Variants in SPAG16 observed in about 807,000 individuals in gnomAD.
SPAG16 encodes the protein sperm associated antigen 16, also known as sperm-associated antigen 16 protein.
SPAG16 carries 86 observed loss-of-function variants against 80.4 expected under a neutral mutation model. The observed-to-expected ratio is 1.07, with a 90% CI of 0.90 to 1.28. The LOEUF (loss-of-function observed/expected upper bound fraction) is 1.28, where lower values mean the gene tolerates loss of function less well. Ranked by LOEUF, SPAG16 falls within the 50% of genes most tolerant of loss-of-function variation. The pLI, the probability that SPAG16 is intolerant of heterozygous loss-of-function variation, is 0.00. For synonymous variants in SPAG16, 294 were observed against 265.9 expected (o/e 1.11, Z -1.03); for missense variants, 870 against 765.3 (o/e 1.14, Z -1.61).
intron 15 of SPAG16, among the ~76,000 whole-genome samples, chr2:214,174,824 T>C (rs935860753): frequency 5.3e-5 from 8 of 151,658 alleles, no homozygotes; most frequent in African/African-American, 1.9e-4. Context: ...TCATCACTTT[T>C]GCACGAATCT....
At chr2:214,152,850 A>G (rs1350245017) in intron 15 of SPAG16, among the ~76,000 whole-genome samples, 1 of 152,170 alleles carries the variant, frequency 6.6e-6, no homozygotes, top group Non-Finnish European at 1.5e-5. Context: ...ACAGAGAGAA[A>G]GACAGCTTAT....
intron 9 of SPAG16, among the ~76,000 whole-genome samples, chr2:213,406,258 G>T (rs1437209569): frequency 6.6e-6 from 1 of 152,140 alleles, no homozygotes; most frequent in African/African-American, 2.4e-5. Flanking sequence ...TTACTCATCA[G>T]AAATTTGCAT....
chr2:214,039,370 G>A (rs112933130), intron 13 of SPAG16, among the ~76,000 whole-genome samples: 14 of 152,000 alleles, frequency 9.2e-5, no homozygotes, highest in African/African-American at 2.7e-4. Context: ...CACATCCTTC[G>A]CCCACTTTTT....
rs777957667 is a variant in SPAG16 at position 214,410,297 on chromosome 2, A to T, written c.1878A>T (p.Thr626=). Residue 626 remains threonine, a synonymous_variant, in exon 16 of 16, where the codon ACA becomes ACT. Transcript: ENST00000331683. Reference sequence around the variant, plus strand: ...TCTTTTCTGGAGGCTCTGACGGCACAGTTCGAACGTGGTCTTGACCGTCAG... The same window carrying T: ...TCTTTTCTGGAGGCTCTGACGGCACTGTTCGAACGTGGTCTTGACCGTCAG... ...EILFSGGSDG[T]VRTWS 1 of 1,599,984 alleles carries T rather than the reference A, an allele frequency of 6.3e-7. No homozygotes were observed.
chr2:214,123,716 A>C (rs1183823476), intron 14 of SPAG16, among the ~76,000 whole-genome samples: 1 of 152,020 alleles, frequency 6.6e-6, no homozygotes, highest in Non-Finnish European at 1.5e-5. Context: ...CTTAAAATGC[A>C]ATGATCAGAG....
At chr2:213,749,893 T>C (rs2068005562) in intron 10 of SPAG16, among the ~76,000 whole-genome samples, 1 of 152,210 alleles carries the variant, frequency 6.6e-6, no homozygotes, top group Non-Finnish European at 1.5e-5. Context: ...AGACACTCAA[T>C]AAATGTGTTT....
intron 5 of SPAG16, among the ~76,000 whole-genome samples, chr2:213,338,420 C>T (rs1268623478): frequency 2.0e-5 from 3 of 152,164 alleles, no homozygotes; most frequent in Non-Finnish European, 2.9e-5. Context: ...TGCAGAGTGG[C>T]AAGCTGGATA....
chr2:214,038,104 C>T (rs2048807137), intron 13 of SPAG16, among the ~76,000 whole-genome samples: 1 of 151,992 alleles, frequency 6.6e-6, no homozygotes, highest in Non-Finnish European at 1.5e-5. Flanking sequence ...TAATAATTAT[C>T]ATGTGTACTG....
chr2:213,908,209 C>T (rs572096080), intron 11 of SPAG16, among the ~76,000 whole-genome samples: 1 of 152,200 alleles, frequency 6.6e-6, no homozygotes, highest in African/African-American at 2.4e-5. Context: ...CCCAGGTGAC[C>T]ATGGAGCTCT....
chr2:214,224,756 A>G (rs975892274), intron 15 of SPAG16, among the ~76,000 whole-genome samples: 1 of 152,188 alleles, frequency 6.6e-6, no homozygotes, highest in Admixed American at 6.6e-5. Context: ...CTACAAACAA[A>G]CATTCATTCA....
rs546932876 is a variant in SPAG16 at position 213,320,509 on chromosome 2, A to G, written c.536+3153A>G. On this transcript the variant is annotated intron_variant, in intron 5 of 15. Coordinates refer to ENST00000331683, the MANE Select transcript of SPAG16 (RefSeq NM_024532.5). ...TTGAACACTAGAAGTTAACCCTTCT[A>G]TCTAACTGTTTGTATCCATTAACCA... 2.6e-5 allele frequency among the ~76,000 whole-genome samples: 4 copies of G among 152,022 alleles called. No individual in the cohort carries two copies. In the East Asian group the frequency reaches 5.8e-4, roughly 22 times the overall value.
chr2:213,727,075 A>C (rs1187193927), intron 10 of SPAG16, among the ~76,000 whole-genome samples: 1 of 152,190 alleles, frequency 6.6e-6, no homozygotes, highest in Non-Finnish European at 1.5e-5. Context: ...ACGATCCCCA[A>C]CTTCTCAAGA....
chr2:214,147,275 T>C (rs2055693788), intron 14 of SPAG16, among the ~76,000 whole-genome samples: 1 of 152,180 alleles, frequency 6.6e-6, no homozygotes, highest in South Asian at 2.1e-4. Flanking sequence ...AATGTAAAAA[T>C]ATTAAAACTA....
intron 10 of SPAG16, among the ~76,000 whole-genome samples, chr2:213,580,732 A>T (rs1456754143): frequency 6.6e-6 from 1 of 152,142 alleles, no homozygotes; most frequent in African/African-American, 2.4e-5. Context: ...TTATCTTTAG[A>T]TGAGTATATG....
intron 10 of SPAG16, among the ~76,000 whole-genome samples, chr2:213,850,116 G>A (rs957831970): frequency 6.6e-6 from 1 of 152,104 alleles, no homozygotes; most frequent in East Asian, 1.9e-4. Flanking sequence ...CTAAATAGTG[G>A]GTCGTGATTC....
At chr2:213,739,785 A>G (rs1443417017) in intron 10 of SPAG16, among the ~76,000 whole-genome samples, 1 of 152,120 alleles carries the variant, frequency 6.6e-6, no homozygotes, top group Non-Finnish European at 1.5e-5. Flanking sequence ...TGTTTTTAGT[A>G]GAGGTGGGGT....
chr2:214,333,829 G>T (rs1194840228), intron 15 of SPAG16, among the ~76,000 whole-genome samples: 2 of 152,182 alleles, frequency 1.3e-5, no homozygotes. Context: ...AATTGAGATG[G>T]AAACAACTGA....
intron 6 of SPAG16, among the ~76,000 whole-genome samples, chr2:213,346,295 G>T (rs755634934): frequency 3.4e-4 from 52 of 152,278 alleles, no homozygotes; most frequent in Non-Finnish European, 5.7e-4. Flanking sequence ...AGACAGTGGG[G>T]TTTTCTAGAT....
intron 15 of SPAG16, among the ~76,000 whole-genome samples, chr2:214,252,349 G>C (rs192187052): frequency 6.6e-6 from 1 of 151,814 alleles, no homozygotes; most frequent in Non-Finnish European, 1.5e-5. Context: ...AGAACGTTCA[G>C]GTTTGTTACA....
Sources: gnomAD v4.1 joint callset for allele counts (sites outside exome capture counted in the v4.1 genomes callset) on GRCh38, gnomAD v4.1.1 for gene constraint, MANE v1.5 for transcripts, NCBI Gene and HGNC (gene_info 2026-07-23, HGNC 2026-07-21) for gene names.